Variants in PCDHA7 observed in about 807,000 individuals in gnomAD.
The protein encoded by PCDHA7 is protocadherin alpha 7, also known as protocadherin alpha-7.
Under a neutral mutation model 57.2 loss-of-function variants are expected in PCDHA7, and 37 were observed. That is an observed-to-expected ratio of 0.65 (90% CI 0.50 to 0.85). The LOEUF (loss-of-function observed/expected upper bound fraction) is 0.85. Ranked by LOEUF, PCDHA7 falls within the 40% of genes least tolerant of loss-of-function variation. The pLI, the probability that PCDHA7 is intolerant of heterozygous loss-of-function variation, is 0.00. For synonymous variants in PCDHA7, 553 were observed against 558.8 expected, an observed-to-expected ratio of 0.99 and a Z score of 0.15; for missense variants, 1,188 against 1,241.8, an observed-to-expected ratio of 0.96 and a Z score of 0.65.
chr5:140,908,416 G>GGAAT (rs1303787034), intron 1 of PCDHA7, among the ~76,000 whole-genome samples: 1 of 152,152 alleles, frequency 6.6e-6, no homozygotes, highest in African/African-American at 2.4e-5. Flanking sequence ...ATTTGATGAT[G>GGAAT]GAATGCTGCT....
intron 1 of PCDHA7, chr5:140,876,448 G>C (rs2056350590): frequency 1.2e-6 from 2 of 1,614,008 alleles, no homozygotes; most frequent in East Asian, 4.5e-5. Flanking sequence ...CATTGATAAA[G>C]GGATTCCTTC....
chr5:140,834,596 T>A lies in PCDHA7; in HGVS notation c.213T>A (p.Arg71=). ...TGTTCCGGGCGGTGTGCAAATTCCG[T>A]GGGGATCTTCTGGAGGTAAATCTGC... ...PRLFRAVCKF[R]GDLLEVNLQN... is the part of the protein sequence containing the mutation. Residue 71 remains arginine, a synonymous_variant, in exon 1 of 4, where the codon CGT becomes CGA. Coordinates refer to ENST00000525929, the MANE Select transcript of PCDHA7 (RefSeq NM_018910.3). 6.2e-7 allele frequency: 1 copy of A among 1,613,722 alleles called. No homozygotes were observed. The highest frequency in any genetic ancestry group is 1.1e-5 in the South Asian group (1 of 91,068).
intron 1 of PCDHA7, among the ~76,000 whole-genome samples, chr5:140,911,118 G>A (rs11955654): frequency 0.019 from 2,929 of 152,274 alleles, 39 homozygotes; most frequent in East Asian, 0.055. Flanking sequence ...AGCCATCACT[G>A]TTGCCTCAGG....
At chr5:140,875,342 A>C in intron 1 of PCDHA7, 1 of 1,443,152 alleles carries the variant, frequency 6.9e-7, no homozygotes, top group Non-Finnish European at 9.1e-7. Context: ...GATCGACTCC[A>C]TAATGACTGT....
At chr5:140,930,527 A>C (rs73793525) in intron 1 of PCDHA7, 8,511 of 152,566 alleles carry the variant, frequency 0.056, 704 homozygotes, top group African/African-American at 0.18. Context: ...CTGGCCCTCA[A>C]ACTTCTTGAG....
rs538024116 is a variant in PCDHA7 at position 140,945,235 on chromosome 5, T to C, written c.2356-33714T>C. Among the ~76,000 whole-genome samples the C allele has an allele frequency of 1.1e-4, 17 of 152,128 alleles. No homozygotes were observed. In the South Asian group the frequency reaches 3.5e-3, roughly 32 times the overall value. On this transcript the variant is annotated intron_variant, in intron 1 of 3. Coordinates refer to ENST00000525929, the MANE Select transcript of PCDHA7 (RefSeq NM_018910.3). ...GAAAATAAAAATACTTAGGAATAAA[T>C]TTAACCAAGAGGATGAAAGACCTGC...
rs2150473414 is a variant in PCDHA7 at position 140,850,210 on chromosome 5, G to A, written c.2355+13472G>A. 67 of 1,593,594 alleles carry A rather than the reference G, an allele frequency of 4.2e-5. No individual in the cohort carries two copies. In the East Asian group the frequency reaches 1.2e-3, roughly 28 times the overall value. ...GCGCTGCTGACACCTCGGATGAGGG[G>A]CACTGACGGCGCAGTGAGCGAGATG... is the stretch of plus-strand genomic sequence containing the variant. On this transcript the variant is annotated intron_variant, in intron 1 of 3. Coordinates refer to ENST00000525929, the MANE Select transcript of PCDHA7 (RefSeq NM_018910.3).
In PCDHA7 at chr5:140,846,169, C is replaced by A. The variant is rs2150385280; in HGVS notation, c.2355+9431C>A. On this transcript the variant is annotated intron_variant, in intron 1 of 3. Coordinates refer to ENST00000525929, the MANE Select transcript of PCDHA7 (RefSeq NM_018910.3). ...AAAGTTGCCTGAGATCCTGCAGAGG[C>A]CTGAGTAGGCGTTTGAGTTCTTTGT... Among the ~76,000 whole-genome samples the A allele has an allele frequency of 6.7e-5, 10 of 149,346 alleles. 2 individuals carry two copies. Among genetic ancestry groups the A allele is most frequent in the Admixed American group, 1.3e-4 (2 of 14,894 alleles).
intron 1 of PCDHA7, chr5:140,871,072 G>A: frequency 6.2e-7 from 1 of 1,613,238 alleles, no homozygotes; most frequent in Non-Finnish European, 8.5e-7. Context: ...CGGTGAGCCG[G>A]CGCTGACGGC....
chr5:140,929,279 T>C (rs368682683), intron 1 of PCDHA7: 1 of 1,603,874 alleles, frequency 6.2e-7, no homozygotes, highest in Non-Finnish European at 8.5e-7. Context: ...ATATCCTGTA[T>C]TCAGATTCGG....
chr5:140,897,613 A>C (rs1252972033), intron 1 of PCDHA7, among the ~76,000 whole-genome samples: 2 of 152,052 alleles, frequency 1.3e-5, no homozygotes, highest in Non-Finnish European at 2.9e-5. Flanking sequence ...GTTGGTTCCA[A>C]GTCTTTACTA....
At chr5:140,870,890 T>A in intron 1 of PCDHA7, 2 of 1,613,954 alleles carry the variant, frequency 1.2e-6, no homozygotes, top group East Asian at 4.5e-5. Flanking sequence ...GTGCGCGCAG[T>A]GGATGCGGAC....
intron 1 of PCDHA7, chr5:140,967,336 C>T (rs782067589): frequency 5.0e-6 from 8 of 1,607,396 alleles, no homozygotes; most frequent in Admixed American, 1.7e-5. Context: ...TCAGCCCCAG[C>T]GAGCACTTCG....
chr5:140,929,024 C>T, intron 1 of PCDHA7: 1 of 1,614,172 alleles, frequency 6.2e-7, no homozygotes, highest in Non-Finnish European at 8.5e-7. Context: ...CACCAGAGCC[C>T]AGGCTGTTGC....
chr5:140,876,055 G>A (rs782670279), intron 1 of PCDHA7: 2 of 1,613,934 alleles, frequency 1.2e-6, no homozygotes, highest in Non-Finnish European at 1.7e-6. Context: ...GCCTGAATTA[G>A]TTCTTCGGAA....
intron 1 of PCDHA7, chr5:140,857,365 C>G (rs251362): frequency 0.53 from 847,286 of 1,597,488 alleles, 260,121 homozygotes; most frequent in South Asian, 0.6. Flanking sequence ...CCACGGCCAG[C>G]GTGTCTGTGG....
At chr5:140,918,977 AG>A (rs1226723076) in intron 1 of PCDHA7, among the ~76,000 whole-genome samples, 6 of 152,192 alleles carry the variant, frequency 3.9e-5, no homozygotes, top group African/African-American at 1.4e-4. Context: ...CGTTTAGGTT[AG>A]TTGGTTTTTA....
intron 1 of PCDHA7, chr5:140,860,876 T>C (rs1451611710): frequency 6.6e-6 from 1 of 152,390 alleles, no homozygotes; most frequent in Non-Finnish European, 1.5e-5. Flanking sequence ...TAGCTGGGAC[T>C]ACAGGTGCCC....
chr5:140,869,103 G>A, intron 1 of PCDHA7: 1 of 1,600,312 alleles, frequency 6.2e-7, no homozygotes, highest in Non-Finnish European at 8.5e-7. Context: ...TTTCGTATGC[G>A]ATGTTTGGTT....
Sources: allele counts gnomAD v4.1 joint callset (sites outside exome capture counted in the v4.1 genomes callset), GRCh38; gene constraint gnomAD v4.1.1; transcripts MANE v1.5; gene names NCBI Gene and HGNC (gene_info 2026-07-23, HGNC 2026-07-21).